CNTLN: variants seen among roughly 807,000 people sequenced by gnomAD.
The protein encoded by CNTLN is centlein.
A neutral mutation model predicts 180.0 loss-of-function variants in CNTLN; 212 were observed. The observed-to-expected ratio is 1.18, with a 90% CI of 1.05 to 1.32. The LOEUF (loss-of-function observed/expected upper bound fraction) is 1.32, where lower values mean the gene tolerates loss of function less well. Among genes scored for constraint, CNTLN ranks in the 40% most tolerant of loss-of-function variants. CNTLN has a pLI of 0.00. For missense variants in CNTLN, 2,095 were observed against 1,610.9 expected (o/e 1.30, Z -5.14); for synonymous variants, 722 against 563.1 (o/e 1.28, Z -3.99).
At chr9:17,222,440 G>A (rs1373875494) in intron 2 of CNTLN, among the ~76,000 whole-genome samples, 1 of 152,014 alleles carries the variant, frequency 6.6e-6, no homozygotes, top group Non-Finnish European at 1.5e-5. Context: ...AACCATGGGG[G>A]TGGTTTCCCC....
intron 2 of CNTLN, among the ~76,000 whole-genome samples, chr9:17,222,312 T>C (rs886774810): frequency 1.3e-5 from 2 of 152,072 alleles, no homozygotes; most frequent in African/African-American, 4.8e-5. Context: ...TGTCAAGATA[T>C]CAACTACTGA....
intron 2 of CNTLN, among the ~76,000 whole-genome samples, chr9:17,180,201 G>C (rs1216328031): frequency 6.9e-6 from 1 of 144,184 alleles, no homozygotes; most frequent in East Asian, 2.0e-4. Context: ...GTGTCATTTT[G>C]CTTTTTTTTC....
chr9:17,284,407 T>A (rs751505573), intron 6 of CNTLN, among the ~76,000 whole-genome samples: 4 of 152,156 alleles, frequency 2.6e-5, no homozygotes, highest in Admixed American at 6.5e-5. Context: ...TTTTTTTGGC[T>A]GGTAGGGTAT....
intron 7 of CNTLN, 63 bp from the exon 8 acceptor site, chr9:17,308,995 C>T: frequency 8.9e-7 from 1 of 1,126,280 alleles, no homozygotes; most frequent in South Asian, 1.8e-5. Context: ...CACACACACA[C>T]AGACACACAG....
chr9:17,297,292 T>C (rs1818017819), intron 6 of CNTLN, among the ~76,000 whole-genome samples: 1 of 152,228 alleles, frequency 6.6e-6, no homozygotes, highest in Non-Finnish European at 1.5e-5. Flanking sequence ...TACATCATTT[T>C]ATATAAGGAC....
chr9:17,149,573 A>G (rs1818709671), intron 2 of CNTLN, among the ~76,000 whole-genome samples: 1 of 133,602 alleles, frequency 7.5e-6, no homozygotes. Context: ...GCTGGAGTGC[A>G]GTGGCTCGAT....
intron 2 of CNTLN, among the ~76,000 whole-genome samples, chr9:17,192,485 C>T (rs539130043): frequency 6.6e-6 from 1 of 152,010 alleles, no homozygotes; most frequent in Non-Finnish European, 1.5e-5. Flanking sequence ...GATCCACCCA[C>T]CTCAGCCTCC....
intron 6 of CNTLN, among the ~76,000 whole-genome samples, chr9:17,287,111 T>G (rs1829032668): frequency 1.8e-5 from 2 of 113,830 alleles, no homozygotes; most frequent in Admixed American, 1.9e-4. Flanking sequence ...GCTTCCAGTT[T>G]TTGCCCATTC....
At chr9:17,142,999 G>C (rs1586898133) in intron 1 of CNTLN, among the ~76,000 whole-genome samples, 2 of 152,148 alleles carry the variant, frequency 1.3e-5, no homozygotes, top group Non-Finnish European at 1.5e-5. Context: ...GCTGAAAATG[G>C]GGCAGCAGGG....
In CNTLN at chr9:17,503,692, T is replaced by C. The variant is rs1286474728; in HGVS notation, c.*1040T>C. ...ATTTGTTTTCTTGTTTATTTTCTTC[T>C]TTTCCCTCTTTAGTATGTAGGTCCC... On this transcript the variant is annotated 3_prime_UTR_variant, in exon 26 of 26. Transcript: ENST00000380647. 2 of 152,648 alleles carry C rather than the reference T, an allele frequency of 1.3e-5. No homozygotes were observed. The highest frequency in any genetic ancestry group is 2.9e-5 in the Non-Finnish European group (2 of 68,050). The allele number at this position is 152,648 out of a possible 1,614,324, so 9.5% of individuals were successfully genotyped here.
At chr9:17,249,826 T>C (rs1036255778) in intron 5 of CNTLN, among the ~76,000 whole-genome samples, 3 of 150,936 alleles carry the variant, frequency 2.0e-5, no homozygotes, top group Non-Finnish European at 4.4e-5. Context: ...ATGTTTCATA[T>C]GTACTTGAGT....
chr9:17,496,209 C>T (rs993113641), intron 25 of CNTLN, among the ~76,000 whole-genome samples: 12 of 152,144 alleles, frequency 7.9e-5, no homozygotes, highest in Admixed American at 2.6e-4. Context: ...CTTTTGGATC[C>T]TTCCCCATCC....
At chr9:17,259,969 A>C (rs768719075) in intron 5 of CNTLN, among the ~76,000 whole-genome samples, 2 of 136,748 alleles carry the variant, frequency 1.5e-5, no homozygotes, top group Non-Finnish European at 3.1e-5. Flanking sequence ...TTGTGTCTCT[A>C]TTTCCTTCAG....
intron 8 of CNTLN, among the ~76,000 whole-genome samples, chr9:17,317,190 G>C (rs1453423529): frequency 6.6e-6 from 1 of 152,070 alleles, no homozygotes; most frequent in Non-Finnish European, 1.5e-5. Context: ...ATGAATAATA[G>C]ATGGATACTG....
intron 18 of CNTLN, among the ~76,000 whole-genome samples, chr9:17,453,259 G>T (rs1830898425): frequency 6.6e-6 from 1 of 152,048 alleles, no homozygotes; most frequent in Non-Finnish European, 1.5e-5. Flanking sequence ...GCTGTAATGG[G>T]CTATGATTGA....
intron 16 of CNTLN, among the ~76,000 whole-genome samples, chr9:17,410,886 A>G (rs1827795263): frequency 6.6e-6 from 1 of 152,134 alleles, no homozygotes; most frequent in Non-Finnish European, 1.5e-5. Flanking sequence ...CAGTAAATGT[A>G]TCAGTATCAT....
chr9:17,348,921 G>A lies in CNTLN; in HGVS notation c.1886+6477G>A, dbSNP rs1321994064. On this transcript the variant is annotated intron_variant, in intron 12 of 25. Transcript: ENST00000380647. ...GGCTGGAGTAGGGTGGGCATGGTGA[G>A]CAGGGTTTTTGTTTTACTGGTCCTC... Among the ~76,000 whole-genome samples, 3 of 152,086 alleles carry A rather than the reference G, an allele frequency of 2.0e-5. No homozygotes were observed. In the South Asian group the frequency reaches 6.2e-4, roughly 32 times the overall value.
chr9:17,271,807 CCA>C (rs1202232829), intron 5 of CNTLN, among the ~76,000 whole-genome samples: 11 of 152,164 alleles, frequency 7.2e-5, no homozygotes, highest in African/African-American at 2.7e-4. Context: ...ACTTATCAAG[CCA>C]CCATCAGCTT....
chr9:17,238,550 C>T (rs1235767384), intron 5 of CNTLN, among the ~76,000 whole-genome samples: 1 of 152,108 alleles, frequency 6.6e-6, no homozygotes, highest in East Asian at 1.9e-4. Context: ...ACAGGCCTTT[C>T]TAATAAGTTT....
Sources: allele counts gnomAD v4.1 joint callset (sites outside exome capture counted in the v4.1 genomes callset), GRCh38; gene constraint gnomAD v4.1.1; transcripts MANE v1.5; gene names NCBI Gene and HGNC (gene_info 2026-07-23, HGNC 2026-07-21).